Variants in AGMO observed in about 807,000 individuals in gnomAD.
AGMO encodes the protein alkylglycerol monooxygenase, also known as glyceryl-ether monooxygenase.
In AGMO, 75 loss-of-function variants were observed where a neutral mutation model predicts 60.2. The observed-to-expected ratio is 1.25, with a 90% confidence interval of 1.03 to 1.51. The LOEUF is 1.51. Among genes scored for constraint, AGMO ranks in the 40% most tolerant of loss-of-function variants. The pLI is 0.00. For synonymous variants in AGMO, 261 were observed against 177.1 expected, an observed-to-expected ratio of 1.47 and a Z score of -3.76; for missense variants, 763 against 525.5, an observed-to-expected ratio of 1.45 and a Z score of -4.42.
chr7:15,224,123 T>C (rs1379767822), intron 12 of AGMO, among the ~76,000 whole-genome samples: 1 of 151,950 alleles, frequency 6.6e-6, no homozygotes, highest in East Asian at 1.9e-4. Context: ...TAAGAAGGTA[T>C]GGTGAGTCTC....
At chr7:15,425,441 T>TA (rs201931500) in intron 4 of AGMO, among the ~76,000 whole-genome samples, 35 of 151,620 alleles carry the variant, frequency 2.3e-4, no homozygotes, top group African/African-American at 6.8e-4. Flanking sequence ...TATTTTATTT[T>TA]TTTTTTTTTG....
At chr7:15,361,219 T>C (rs1212340135) in intron 12 of AGMO, among the ~76,000 whole-genome samples, 2 of 150,604 alleles carry the variant, frequency 1.3e-5, no homozygotes, top group South Asian at 2.1e-4. Context: ...TGCAGCCATA[T>C]CTCTCAAATA....
At chr7:15,417,350 C>T (rs1055540087) in intron 5 of AGMO, among the ~76,000 whole-genome samples, 7 of 152,128 alleles carry the variant, frequency 4.6e-5, no homozygotes, top group Non-Finnish European at 8.8e-5. Context: ...TAGCTCATGG[C>T]CCTCTCATCG....
intron 12 of AGMO, among the ~76,000 whole-genome samples, chr7:15,204,737 A>C (rs1490296032): frequency 6.6e-6 from 1 of 152,150 alleles, no homozygotes; most frequent in Non-Finnish European, 1.5e-5. Context: ...TCATGTTTCC[A>C]CCATGCCTTT....
intron 3 of AGMO, among the ~76,000 whole-genome samples, chr7:15,500,712 T>C (rs747250759): frequency 6.6e-6 from 1 of 151,994 alleles, no homozygotes; most frequent in Non-Finnish European, 1.5e-5. Flanking sequence ...ATTTGAGTTA[T>C]ATCTTGTCTT....
intron 10 of AGMO, among the ~76,000 whole-genome samples, chr7:15,377,160 G>C (rs951484361): frequency 6.6e-6 from 1 of 152,022 alleles, no homozygotes; most frequent in African/African-American, 2.4e-5. Flanking sequence ...AGACATCCCT[G>C]AGATTAGAAA....
Position 15,387,921 on chromosome 7 carries a change from T to TTC in AGMO, c.823-382_823-381insGA, listed in dbSNP as rs1554265131. 6.5e-3 allele frequency among the ~76,000 whole-genome samples: 961 copies of TTC among 146,812 alleles called. 2 individuals are homozygous for TTC. Among genetic ancestry groups the TTC allele is most frequent in the African/African-American group, 9.2e-3 (357 of 38,600 alleles). The stretch of plus-strand genomic sequence containing the variant: ...CACATTCTCTTTTTTTTTTTTTTTT[T>TTC]CCCCAAGACAGAGTCTCGCTCTGTT... On this transcript the variant is annotated intron_variant, in intron 8 of 12. Coordinates refer to ENST00000342526, the MANE Select transcript of AGMO (RefSeq NM_001004320.2).
chr7:15,555,522 C>A (rs76384675), intron 2 of AGMO, among the ~76,000 whole-genome samples: 1 of 151,554 alleles, frequency 6.6e-6, no homozygotes, highest in African/African-American at 2.4e-5. Context: ...TTACCTTTAC[C>A]GTCTGCAAAC....
chr7:15,547,376 G>A (rs139727332), intron 2 of AGMO, among the ~76,000 whole-genome samples: 1 of 148,466 alleles, frequency 6.7e-6, no homozygotes, highest in African/African-American at 2.6e-5. Context: ...CGCAGAAGAC[G>A]GGTGATTTCT....
intron 3 of AGMO, among the ~76,000 whole-genome samples, chr7:15,440,985 G>C (rs9942615): frequency 6.6e-6 from 1 of 151,992 alleles, no homozygotes; most frequent in South Asian, 2.1e-4. Context: ...CTCTGGATTC[G>C]AACTTGGACT....
chr7:15,382,912 G>T (rs978130073), intron 10 of AGMO, among the ~76,000 whole-genome samples: 2 of 151,824 alleles, frequency 1.3e-5, no homozygotes, highest in African/African-American at 2.4e-5. Context: ...ATTTATGTGT[G>T]ATAACATCTA....
At chr7:15,130,234 T>C in the AGMO span, among the ~76,000 whole-genome samples, 1 of 152,046 alleles carries the variant, frequency 6.6e-6, no homozygotes, top group Admixed American at 6.6e-5. Flanking sequence ...TCAGAACTCT[T>C]AATATTTATT....
the AGMO span, among the ~76,000 whole-genome samples, chr7:15,184,047 T>C: frequency 6.6e-6 from 1 of 151,930 alleles, no homozygotes; most frequent in Non-Finnish European, 1.5e-5. Context: ...AGCACCCTTT[T>C]ATTTAATTTA....
At chr7:15,503,097 T>G (rs544257380) in intron 3 of AGMO, among the ~76,000 whole-genome samples, 2 of 152,200 alleles carry the variant, frequency 1.3e-5, no homozygotes, top group East Asian at 3.9e-4. Flanking sequence ...CTTTAAGTCA[T>G]TCATTCATTT....
At chr7:15,376,206 C>T (rs561171261) in intron 10 of AGMO, among the ~76,000 whole-genome samples, 3 of 151,876 alleles carry the variant, frequency 2.0e-5, no homozygotes, top group African/African-American at 4.8e-5. Flanking sequence ...CCCCACATTA[C>T]GTAACTTAGT....
the AGMO span, among the ~76,000 whole-genome samples, chr7:15,142,387 T>G: frequency 4.4e-4 from 67 of 152,208 alleles, 1 homozygote; most frequent in African/African-American, 1.5e-3. Flanking sequence ...CTATAAACAT[T>G]ACTGTACAGC....
chr7:15,520,494 C>A (rs991501279), intron 3 of AGMO, among the ~76,000 whole-genome samples: 1 of 152,266 alleles, frequency 6.6e-6, no homozygotes, highest in African/African-American at 2.4e-5. Flanking sequence ...TCATAACAAA[C>A]AGTCTCTCAG....
At chr7:15,324,287 C>A (rs143087535) in intron 12 of AGMO, among the ~76,000 whole-genome samples, 1 of 152,222 alleles carries the variant, frequency 6.6e-6, no homozygotes, top group African/African-American at 2.4e-5. Context: ...GACTTTTAGA[C>A]GTTGGTATCA....
At position 15,388,262 on chromosome 7, in the gene AGMO, T is replaced by C. The variant is rs187481539; in HGVS notation, c.823-722A>G. Among the ~76,000 whole-genome samples the C allele has an allele frequency of 3.0e-4, 46 of 152,330 alleles. No homozygotes were observed. In the East Asian group the frequency reaches 6.2e-3, roughly 20 times the overall value. On this transcript the variant is annotated intron_variant, in intron 8 of 12. Transcript: ENST00000342526. ...ACCATTTATGCCTAGTGTTCCATTA[T>C]TGGAACCCTAAGCATGTGGGTTACT...
Sources: gnomAD v4.1 joint callset for allele counts (sites outside exome capture counted in the v4.1 genomes callset) on GRCh38, gnomAD v4.1.1 for gene constraint, MANE v1.5 for transcripts, NCBI Gene and HGNC (gene_info 2026-07-23, HGNC 2026-07-21) for gene names.